Variants in TANC2 observed in about 807,000 individuals in gnomAD.
The protein encoded by TANC2 is tetratricopeptide repeat, ankyrin repeat and coiled-coil containing 2.
Under a neutral mutation model 210.5 loss-of-function variants are expected in TANC2, and 26 were observed. The ratio of observed to expected loss-of-function variants is 0.12; its 90% CI spans 0.09 to 0.17. The LOEUF (loss-of-function observed/expected upper bound fraction) is 0.17, where lower values mean the gene tolerates loss of function less well. TANC2 is among the 10% of genes least tolerant of loss of function. The probability of loss-of-function intolerance (pLI) is 1.00; values close to 1 mark genes in which losing one functional copy is unlikely to be tolerated. For synonymous variants in TANC2, 931 were observed against 967.1 expected (o/e 0.96, Z 0.69); for missense variants, 2,129 against 2,608.9 (o/e 0.82, Z 4.01).
chr17:63,266,659 TG>T (rs2043537807), intron 8 of TANC2, among the ~76,000 whole-genome samples: 1 of 152,126 alleles, frequency 6.6e-6, no homozygotes, highest in African/African-American at 2.4e-5. Flanking sequence ...ATAAAGTTTT[TG>T]AGGCAAATGA....
At chr17:63,240,892 A>G (rs940872092) in intron 8 of TANC2, among the ~76,000 whole-genome samples, 46 of 152,138 alleles carry the variant, frequency 3.0e-4, no homozygotes, top group Non-Finnish European at 3.7e-4. Context: ...GCAACAGTCT[A>G]CTTTGTGTTA....
At chr17:63,064,968 C>T (rs535641965) in intron 2 of TANC2, among the ~76,000 whole-genome samples, 21 of 151,926 alleles carry the variant, frequency 1.4e-4, no homozygotes, top group Admixed American at 1.2e-3. Flanking sequence ...CCATTCTGTA[C>T]AATAGATTTC....
intron 11 of TANC2, among the ~76,000 whole-genome samples, chr17:63,324,833 T>C (rs970017132): frequency 2.0e-5 from 3 of 152,126 alleles, no homozygotes; most frequent in African/African-American, 7.2e-5. Flanking sequence ...CCCCAGCTCC[T>C]ACACAATGCA....
intron 4 of TANC2, among the ~76,000 whole-genome samples, chr17:63,116,319 A>G (rs1358807926): frequency 2.0e-5 from 3 of 152,222 alleles, no homozygotes; most frequent in Non-Finnish European, 4.4e-5. Flanking sequence ...CATTACGACA[A>G]TTCTATGCAT....
chr17:63,005,997 T>G (rs2143782725), intron 1 of TANC2, among the ~76,000 whole-genome samples: 1 of 151,636 alleles, frequency 6.6e-6, no homozygotes, highest in South Asian at 2.1e-4. Context: ...TTATATTTTT[T>G]GCTCAACATT....
chr17:63,349,605 T>C (rs1293407759), intron 12 of TANC2, among the ~76,000 whole-genome samples: 2 of 152,216 alleles, frequency 1.3e-5, no homozygotes, highest in Non-Finnish European at 2.9e-5. Flanking sequence ...TACCAGCTGT[T>C]TAACAGTCAG....
At chr17:63,299,770 G>A (rs995043217) in intron 9 of TANC2, among the ~76,000 whole-genome samples, 3 of 152,084 alleles carry the variant, frequency 2.0e-5, no homozygotes, top group South Asian at 2.1e-4. Context: ...TTGCTGTGCA[G>A]AAGTTCTTTA....
chr17:63,310,589 A>G (rs2045089667), intron 9 of TANC2, among the ~76,000 whole-genome samples: 1 of 152,226 alleles, frequency 6.6e-6, no homozygotes, highest in Non-Finnish European at 1.5e-5. Flanking sequence ...AAATTCAGTA[A>G]GACAAACGCA....
intron 3 of TANC2, among the ~76,000 whole-genome samples, chr17:63,095,530 T>C (rs1242992981): frequency 1.3e-5 from 2 of 152,106 alleles, no homozygotes; most frequent in Non-Finnish European, 2.9e-5. Context: ...ACTCCTCTTT[T>C]CTGCCAAGAA....
intron 6 of TANC2, 73 bp from the exon 7 acceptor site, chr17:63,200,688 TCATCAAAGCA>T: frequency 1.6e-6 from 2 of 1,279,780 alleles, no homozygotes; most frequent in South Asian, 1.6e-5. Flanking sequence ...GTTTTTTTTT[TCATCAAAGCA>T]TTTATTTTAT....
Position 63,073,938 on chromosome 17 carries a change from T to C in TANC2, c.68-5T>C. ...TTTGCTTATGCTCCTTTTAATTTTATGCAGATGGAGGGAGCGAGGAACCAC... is the reference window on the plus strand; with the variant it reads ...TTTGCTTATGCTCCTTTTAATTTTACGCAGATGGAGGGAGCGAGGAACCAC... On this transcript the variant is annotated splice_polypyrimidine_tract_variant and splice_region_variant and intron_variant, in intron 2 of 27. Transcript: ENST00000689528. 6.3e-7 allele frequency: 1 copy of C among 1,576,884 alleles called. No individual in the cohort carries two copies.
chr17:63,402,098 A>C (rs879133278), intron 19 of TANC2, among the ~76,000 whole-genome samples: 1 of 152,202 alleles, frequency 6.6e-6, no homozygotes, highest in Admixed American at 6.6e-5. Context: ...AAGACCAGTA[A>C]TAACCTCCAG....
intron 5 of TANC2, among the ~76,000 whole-genome samples, chr17:63,161,313 T>C (rs1159706244): frequency 6.6e-6 from 1 of 152,028 alleles, no homozygotes. Flanking sequence ...AGTGAGCCGA[T>C]ATCAAGCCAC....
rs374239464 is a variant in TANC2 at position 63,247,923 on chromosome 17, G to C, written c.1033+9846G>C. On this transcript the variant is annotated intron_variant, in intron 8 of 27. Transcript: ENST00000689528. ...TTGTATCTGGAAACCATGGTTTCAG[G>C]ATGCTCAGAAAGAGGCAGAAAAGGA... 3.3e-5 allele frequency among the ~76,000 whole-genome samples: 5 copies of C among 152,178 alleles called. No homozygotes were observed. The East Asian group carries it at 9.6e-4, about 29-fold the overall frequency.
chr17:63,002,785 G>A (rs1023673304), intron 1 of TANC2, among the ~76,000 whole-genome samples: 11 of 152,116 alleles, frequency 7.2e-5, no homozygotes, highest in African/African-American at 2.7e-4. Flanking sequence ...CATATTATAT[G>A]TTGTGATTTA....
At chr17:63,417,905 G>C (rs1454903588) in intron 26 of TANC2, among the ~76,000 whole-genome samples, 2 of 152,216 alleles carry the variant, frequency 1.3e-5, no homozygotes, top group Non-Finnish European at 2.9e-5. Context: ...AGTGCATGTA[G>C]CAGGAAGGTG....
exon 14 of TANC2, chr17:63,354,805 T>C: frequency 6.3e-7 from 1 of 1,575,732 alleles, no homozygotes; most frequent in Non-Finnish European, 8.6e-7. Flanking sequence ...CTGCTGCCTT[T>C]CCATAGGATT....
rs1041015521 is a variant in TANC2, at chr17:63,342,110, A to G, written c.1807+1778A>G. 9.2e-5 allele frequency among the ~76,000 whole-genome samples: 14 copies of G among 152,124 alleles called. 1 individual carries two copies. Among genetic ancestry groups the G allele is most frequent in the African/African-American group, 2.9e-4 (12 of 41,430 alleles). On this transcript the variant is annotated intron_variant, in intron 12 of 27. Coordinates refer to ENST00000689528, the Ensembl canonical transcript of TANC2. ...TCATTCATGAAATACCTACTGATCTACCTGCCCCCCTCCAGTCAGAAATGA... is the reference window on the plus strand; with the variant it reads ...TCATTCATGAAATACCTACTGATCTGCCTGCCCCCCTCCAGTCAGAAATGA...
intron 1 of TANC2, among the ~76,000 whole-genome samples, chr17:62,975,555 ATT>A (rs397857262): frequency 1.8e-4 from 25 of 140,652 alleles, no homozygotes; most frequent in Non-Finnish European, 1.6e-4. Flanking sequence ...TTTTTTTTTA[ATT>A]TTTTTTTTTT....
Sources: allele counts gnomAD v4.1 joint callset (sites outside exome capture counted in the v4.1 genomes callset), GRCh38; gene constraint gnomAD v4.1.1; transcripts MANE v1.5; gene names NCBI Gene and HGNC (gene_info 2026-07-23, HGNC 2026-07-21).